Variants in CD244 observed in about 807,000 individuals in gnomAD.
CD244 encodes natural killer cell receptor 2B4.
Under a neutral mutation model 45.5 loss-of-function variants are expected in CD244, and 20 were observed. The observed-to-expected ratio is 0.44, with a 90% CI of 0.31 to 0.64. The LOEUF is 0.64. CD244 is among the 30% of genes least tolerant of loss of function. The pLI is 0.08. For synonymous variants in CD244, 185 were observed against 160.5 expected (o/e 1.15, Z -1.15); for missense variants, 407 against 426.9 (o/e 0.95, Z 0.41).
rs182662660 is a variant in CD244 at position 160,836,122 on chromosome 1, G to C, written c.894+73C>G. On this transcript the variant is annotated intron_variant, in intron 6 of 8. Coordinates refer to ENST00000368034, the MANE Select transcript of CD244 (RefSeq NM_016382.4). ...CAAGATCTTATTCTGCCATTCAATG[G>C]TGTGAGTTTCAGGGGGGCATTAGGA... 44 of 1,086,986 alleles carry C rather than the reference G, an allele frequency of 4.0e-5. No homozygotes were observed. The African/African-American group carries it at 6.5e-4, about 16-fold the overall frequency. 67.3% of individuals were successfully genotyped at this position (1,086,986 alleles called of 1,614,324 possible). A position where few individuals can be genotyped will look rare whatever the true frequency, so the allele number is the denominator to read the frequency against.
intron 1 of CD244, among the ~76,000 whole-genome samples, chr1:160,848,888 G>A (rs1382280976): frequency 1.3e-5 from 2 of 152,280 alleles, no homozygotes; most frequent in East Asian, 1.9e-4. Flanking sequence ...AAACATAAAT[G>A]TTTCCCTGGT....
Position 160,836,070 on chromosome 1 carries a change from A to C in CD244, c.894+125T>G, listed in dbSNP as rs370739982. ...ATAATGTGTTAATGCAACTGAAGCC[A>C]AGCTATCTTCTGGATTCTAGAAGCA... On this transcript the variant is annotated intron_variant, in intron 6 of 8. Transcript: ENST00000368034. 1.8e-4 allele frequency: 130 copies of C among 739,626 alleles called. 3 individuals carry two copies. In the South Asian group the frequency reaches 2.0e-3, roughly 11 times the overall value. 45.8% of individuals were successfully genotyped at this position (739,626 alleles called of 1,614,324 possible). A position where few individuals can be genotyped will look rare whatever the true frequency, so the allele number is the denominator to read the frequency against.
rs5778184 is a variant in CD244, at chr1:160,853,782, TAAAAAAAAAA to T, written c.61+8825_61+8834del. ...CTGGGTGACAGAGCAAGACCCTGCC[TAAAAAAAAAA>T]AAAAAAAAAAAAAAAAGTGAAAAAG... On this transcript the variant is annotated intron_variant, in intron 1 of 8. Coordinates refer to ENST00000368034, the MANE Select transcript of CD244 (RefSeq NM_016382.4). Among the ~76,000 whole-genome samples the T allele has an allele frequency of 1.4e-3, 134 of 94,718 alleles. 2 individuals are homozygous for T. The highest frequency in any genetic ancestry group is 2.5e-3 in the African/African-American group (57 of 23,136). The allele number at this position is 94,718 out of a possible 152,430, so 62.1% of individuals were successfully genotyped here.
At position 160,862,872 on chromosome 1, in the gene CD244, C is replaced by T. The variant is rs962561783; in HGVS notation, c.-195G>A. ...GACAAGGCCACTGAGAAAGCCCCAG[C>T]GCCTGGAGCTGGTCTGACAGTTCCC... On this transcript the variant is annotated 5_prime_UTR_variant, in exon 1 of 9. Transcript: ENST00000368034. 1.2e-5 allele frequency: 6 copies of T among 493,970 alleles called. No individual in the cohort carries two copies. The highest frequency in any genetic ancestry group is 3.5e-5 in the South Asian group (1 of 28,460). 30.6% of individuals were successfully genotyped at this position (493,970 alleles called of 1,614,324 possible).
Position 160,838,497 on chromosome 1 carries a change from A to C in CD244, c.788T>G (p.Leu263Trp). The C allele has an allele frequency of 6.2e-6, 10 of 1,613,476 alleles. No individual in the cohort carries two copies. Among genetic ancestry groups the C allele is most frequent in the Non-Finnish European group, 8.5e-6 (10 of 1,179,386 alleles). ...KQSETSPKEF[L>W]TIYEDVKDLK... ...ATCCTTGACATCTTCGTAAATTGTC[A>C]AAAATTCCTTGGGACTGGTCTCTGA... The change falls in exon 5 of 9, where the codon TTG (leucine) becomes TGG (tryptophan). Residue 263 changes from leucine to tryptophan, a missense_variant. Physicochemically the swap from Leu to Trp is moderately conservative, Grantham distance 61 (BLOSUM62 -2). Coordinates refer to ENST00000368034, the MANE Select transcript of CD244 (RefSeq NM_016382.4).
At chr1:160,849,471 G>A (rs1308765868) in intron 1 of CD244, among the ~76,000 whole-genome samples, 1 of 151,762 alleles carries the variant, frequency 6.6e-6, no homozygotes, top group Non-Finnish European at 1.5e-5. Context: ...CCACTAACAG[G>A]CCCTGGTGTG....
chr1:160,861,601 C>T (rs61803286), intron 1 of CD244, among the ~76,000 whole-genome samples: 13,207 of 152,152 alleles, frequency 0.087, 623 homozygotes, highest in African/African-American at 0.12. Flanking sequence ...ATGGGGGAGA[C>T]CAAGGTGGGC....
At chr1:160,847,641 T>C (rs1476268833) in intron 1 of CD244, among the ~76,000 whole-genome samples, 1 of 152,140 alleles carries the variant, frequency 6.6e-6, no homozygotes, top group Non-Finnish European at 1.5e-5. Flanking sequence ...TTGGGAAATA[T>C]TTAGAGCAAA....
rs11272376 is a variant in CD244 at position 160,832,950 on chromosome 1, C to CACACATACACAT, written c.961-387_961-376dup. ...TACACACACACATTCCCAGAGCACACACACATACACATACACATACACATA... is the reference window on the plus strand; with the variant it reads ...TACACACACACATTCCCAGAGCACACACACATACACATACACATACACATACACATACACATA... On this transcript the variant is annotated intron_variant, in intron 7 of 8. Coordinates refer to ENST00000368034, the MANE Select transcript of CD244 (RefSeq NM_016382.4). Among the ~76,000 whole-genome samples the CACACATACACAT allele has an allele frequency of 4.0e-5, 6 of 148,800 alleles. No homozygotes were observed. In the East Asian group the frequency reaches 1.2e-3, roughly 29 times the overall value.
intron 1 of CD244, among the ~76,000 whole-genome samples, chr1:160,854,396 GTTTTA>G (rs780321815): frequency 1.9e-4 from 29 of 152,000 alleles, no homozygotes; most frequent in Non-Finnish European, 3.7e-4. Context: ...TTGTTTGTTT[GTTTTA>G]AGACAGAGTC....
chr1:160,841,287 G>A lies in CD244; in HGVS notation c.578C>T (p.Thr193Ile). The change falls in exon 3 of 9, where the codon ACC becomes ATC. Residue 193 changes from threonine (T) to isoleucine (I), a missense_variant. Transcript: ENST00000368034. ...EVDINGTHTY[T>I]CNVSNPVSWE... ...GCTAACAGGATTGCTGACATTGCAG[G>A]TATATGTGTGAGTGCCATTAATGTC... The A allele has an allele frequency of 1.2e-6, 2 of 1,614,144 alleles. No individual in the cohort carries two copies. The highest frequency in any genetic ancestry group is 2.2e-5 in the South Asian group (2 of 91,084).
chr1:160,839,163 T>C (rs989622765), intron 3 of CD244, 114 bp from the exon 4 acceptor site: 3 of 685,550 alleles, frequency 4.4e-6, no homozygotes, highest in Non-Finnish European at 7.5e-6. Context: ...TTGTGGCTGA[T>C]TGCCTCGTGC....
At position 160,841,217 on chromosome 1, in the gene CD244, G is replaced by A. The variant is rs1334245723; in HGVS notation, c.648C>T (p.Ala216=). The change falls in exon 3 of 9, where the codon GCC becomes GCT. Residue 216 remains alanine, a synonymous_variant. Transcript: ENST00000368034. ...CCAGTGTGTTCCACTTACCCTGATGGGCATTCTGACAGTCCTGAGTGAGAT... is the reference window on the plus strand; with the variant it reads ...CCAGTGTGTTCCACTTACCCTGATGAGCATTCTGACAGTCCTGAGTGAGAT... ...TLNLTQDCQN[A]HQEFRFWPFL... 1.2e-6 allele frequency: 2 copies of A among 1,614,134 alleles called. No individual in the cohort carries two copies. Among genetic ancestry groups the A allele is most frequent in the Non-Finnish European group, 8.5e-7 (1 of 1,180,010 alleles).
intron 6 of CD244, 44 bp downstream of exon 6, chr1:160,836,151 C>A (rs767857689): frequency 6.8e-7 from 1 of 1,474,216 alleles, no homozygotes; most frequent in Non-Finnish European, 9.5e-7. Context: ...ATTAGGAAAC[C>A]CCAGAGATAG....
At chr1:160,832,687 C>A (rs759431411) in intron 7 of CD244, 112 bp from the exon 8 acceptor site, 28 of 1,550,998 alleles carry the variant, frequency 1.8e-5, no homozygotes, top group Non-Finnish European at 2.4e-5. Context: ...TTCTGAGGCA[C>A]TCTCAGCCAG....
intron 1 of CD244, among the ~76,000 whole-genome samples, chr1:160,859,745 A>C (rs919110761): frequency 8.1e-6 from 1 of 123,350 alleles, no homozygotes; most frequent in African/African-American, 5.4e-5. Context: ...TGTATCTACA[A>C]AAAAAAAAAA....
chr1:160,849,428 T>C (rs1039823954), intron 1 of CD244, among the ~76,000 whole-genome samples: 8 of 152,048 alleles, frequency 5.3e-5, no homozygotes, highest in Non-Finnish European at 1.0e-4. Flanking sequence ...CATTAGGTAT[T>C]TGTCCTAATG....
chr1:160,840,728 G>A (rs185665217), intron 3 of CD244, among the ~76,000 whole-genome samples: 70 of 152,236 alleles, frequency 4.6e-4, no homozygotes, highest in Middle Eastern at 3.4e-3. Flanking sequence ...GGTAACTCAG[G>A]TAACTCTTAG....
chr1:160,862,765 G>T lies in CD244; in HGVS notation c.-88C>A. On this transcript the variant is annotated 5_prime_UTR_variant, in exon 1 of 9. Transcript: ENST00000368034. ...GCTCAGCAGTCCCCAGTCAGCAAGA[G>T]GACGATGGGGAGCAGAACTGCCTTG... The T allele has an allele frequency of 8.5e-7, 1 of 1,183,240 alleles. No individual in the cohort carries two copies. The highest frequency in any genetic ancestry group is 1.2e-6 in the Non-Finnish European group (1 of 812,360). 73.3% of individuals were successfully genotyped at this position (1,183,240 alleles called of 1,614,324 possible). A position where few individuals can be genotyped will look rare whatever the true frequency, so the allele number is the denominator to read the frequency against.
Sources: gnomAD v4.1 joint callset for allele counts (sites outside exome capture counted in the v4.1 genomes callset) on GRCh38, gnomAD v4.1.1 for gene constraint, MANE v1.5 for transcripts, NCBI Gene and HGNC (gene_info 2026-07-23, HGNC 2026-07-21) for gene names.